RAPGEF1: variants seen among roughly 807,000 people sequenced by gnomAD.
The protein encoded by RAPGEF1 is CRK SH3-binding GNRP.
In RAPGEF1, 33 loss-of-function variants were observed where a neutral mutation model predicts 143.3. That is an observed-to-expected ratio of 0.23 (90% CI 0.17 to 0.31). RAPGEF1 has a LOEUF of 0.31. RAPGEF1 is among the 10% of genes least tolerant of loss of function. RAPGEF1 has a pLI of 1.00. For synonymous variants in RAPGEF1, 629 were observed against 676.5 expected (o/e 0.93, Z 1.09); for missense variants, 1,199 against 1,645.4 (o/e 0.73, Z 4.69).
chr9:131,580,481 T>C, intron 25 of RAPGEF1, 90 bp from the exon 26 acceptor site: 3 of 1,444,994 alleles, frequency 2.1e-6, no homozygotes, highest in Non-Finnish European at 2.8e-6. Flanking sequence ...GGACTCGCAG[T>C]GAGCAGCTTC....
intron 1 of RAPGEF1, among the ~76,000 whole-genome samples, chr9:131,724,033 A>T (rs1254161027): frequency 6.6e-6 from 1 of 152,196 alleles, no homozygotes; most frequent in Non-Finnish European, 1.5e-5. Flanking sequence ...AATATTTTAT[A>T]AAAAGTAGTG....
At chr9:131,734,329 C>G (rs576286762) in intron 1 of RAPGEF1, among the ~76,000 whole-genome samples, 5 of 152,268 alleles carry the variant, frequency 3.3e-5, no homozygotes, top group African/African-American at 9.6e-5. Context: ...CTGCCCTCAC[C>G]CCCTGGGCTG....
intron 1 of RAPGEF1, among the ~76,000 whole-genome samples, chr9:131,697,579 A>G (rs1205146309): frequency 6.6e-6 from 1 of 152,166 alleles, no homozygotes; most frequent in Non-Finnish European, 1.5e-5. Flanking sequence ...ACTGCAACAG[A>G]ACAGAACTGA....
intron 18 of RAPGEF1, 93 bp from the exon 19 acceptor site, chr9:131,590,071 A>C: frequency 1.8e-6 from 2 of 1,111,488 alleles, no homozygotes; most frequent in Non-Finnish European, 2.7e-6. Flanking sequence ...AGCGCTCACA[A>C]TGTGCCCATC....
At chr9:131,705,402 C>T (rs752205824) in intron 1 of RAPGEF1, among the ~76,000 whole-genome samples, 12 of 151,720 alleles carry the variant, frequency 7.9e-5, no homozygotes, top group Admixed American at 2.0e-4. Context: ...TTAAATAACA[C>T]AATAAGATGC....
intron 1 of RAPGEF1, among the ~76,000 whole-genome samples, chr9:131,682,634 G>A (rs865806718): frequency 6.6e-6 from 1 of 152,194 alleles, no homozygotes; most frequent in Non-Finnish European, 1.5e-5. Context: ...GCAGAGCCAG[G>A]AGAGTGCATA....
intron 12 of RAPGEF1, among the ~76,000 whole-genome samples, chr9:131,606,579 A>G (rs574158129): frequency 1.3e-5 from 2 of 152,284 alleles, no homozygotes; most frequent in South Asian, 4.2e-4. Flanking sequence ...ACCCATGGAA[A>G]AGAGGAAGAA....
At chr9:131,677,326 A>G (rs1475505668) in intron 1 of RAPGEF1, among the ~76,000 whole-genome samples, 1 of 152,248 alleles carries the variant, frequency 6.6e-6, no homozygotes, top group Non-Finnish European at 1.5e-5. Context: ...GCAAGTAGAG[A>G]TGCAATGTGC....
At position 131,600,940 on chromosome 9, in the gene RAPGEF1, G is replaced by A. The variant is rs192058149; in HGVS notation, c.2501+1121C>T. Among the ~76,000 whole-genome samples, 48 of 152,284 alleles carry A rather than the reference G, an allele frequency of 3.2e-4. No homozygotes were observed. In the East Asian group the frequency reaches 8.7e-3, roughly 28 times the overall value. On this transcript the variant is annotated intron_variant, in intron 15 of 26. Transcript: ENST00000683357. ...GGAGGCTGGGGCAGGTGGATCATGA[G>A]GTCGGGAGATTGAGACCATCCTGGC...
Position 131,675,040 on chromosome 9 carries a change from G to A in RAPGEF1, c.62-24091C>T, listed in dbSNP as rs1832075356. 6.6e-6 allele frequency among the ~76,000 whole-genome samples: 1 copy of A among 152,126 alleles called. No homozygotes were observed. The highest frequency in any genetic ancestry group is 1.5e-5 in the Non-Finnish European group (1 of 68,016). ...TTCTGGAGGAGCAGCTGGGAGGGAGGGAGCAGAGAGAAGGCGAGCGTCATA... is the reference window on the plus strand; with the variant it reads ...TTCTGGAGGAGCAGCTGGGAGGGAGAGAGCAGAGAGAAGGCGAGCGTCATA... On this transcript the variant is annotated intron_variant, in intron 1 of 26. Coordinates refer to ENST00000683357, the MANE Select transcript of RAPGEF1 (RefSeq NM_001377935.1). The surrounding 1 kb of genome is among the most constrained non-coding windows in gnomAD (Gnocchi z 4.6).
At chr9:131,706,986 CCTGT>C (rs1190035591) in intron 1 of RAPGEF1, among the ~76,000 whole-genome samples, 2 of 152,230 alleles carry the variant, frequency 1.3e-5, no homozygotes, top group Non-Finnish European at 1.5e-5. Context: ...AAACATCAAA[CCTGT>C]CTGTCTGTAT....
chr9:131,727,100 T>G (rs963654075), intron 1 of RAPGEF1, among the ~76,000 whole-genome samples: 4 of 152,154 alleles, frequency 2.6e-5, no homozygotes, highest in African/African-American at 9.7e-5. Context: ...AGGTTCCCCC[T>G]TTTATCCATG....
intron 3 of RAPGEF1, among the ~76,000 whole-genome samples, chr9:131,648,897 AGT>A (rs1459849865): frequency 6.6e-6 from 1 of 152,260 alleles, no homozygotes; most frequent in Admixed American, 6.5e-5. Context: ...ATAACAGGCT[AGT>A]GTTTACCAGC....
chr9:131,622,180 G>A (rs965330672), intron 10 of RAPGEF1, among the ~76,000 whole-genome samples, 182 bp from the exon 11 acceptor site: 13 of 152,144 alleles, frequency 8.5e-5, no homozygotes, highest in African/African-American at 1.2e-4. Flanking sequence ...ATGCGCTAAC[G>A]GAGGAGACAC....
Position 131,621,655 on chromosome 9 carries a change from G to A in RAPGEF1, c.1905+141C>T. ...GGAGGAAGTAAAAGCATCTGTGTGG[G>A]AGATGGTGCCTTCCACGCCCAAAAC... On this transcript the variant is annotated intron_variant, in intron 11 of 26. Coordinates refer to ENST00000683357, the MANE Select transcript of RAPGEF1 (RefSeq NM_001377935.1). This position sits in a 1 kb window ranked among gnomAD's most constrained non-coding sequence, Gnocchi z 4.5. The A allele has an allele frequency of 1.2e-6, 1 of 807,268 alleles. No individual in the cohort carries two copies. Among genetic ancestry groups the A allele is most frequent in the Admixed American group, 2.5e-5 (1 of 40,706 alleles). 50.0% of individuals were successfully genotyped at this position (807,268 alleles called of 1,614,324 possible).
chr9:131,632,133 C>CTT (rs751438145), intron 5 of RAPGEF1, among the ~76,000 whole-genome samples: 16 of 144,460 alleles, frequency 1.1e-4, no homozygotes, highest in African/African-American at 2.0e-4. Context: ...GAGACTCTCT[C>CTT]TTTTTTTTTT....
chr9:131,645,368 G>A (rs754658445), intron 3 of RAPGEF1, among the ~76,000 whole-genome samples: 2 of 152,204 alleles, frequency 1.3e-5, no homozygotes, highest in Non-Finnish European at 2.9e-5. Flanking sequence ...GTGTCATCAG[G>A]TCACACAGGG....
intron 1 of RAPGEF1, among the ~76,000 whole-genome samples, chr9:131,687,534 T>C (rs1833452669): frequency 6.6e-6 from 1 of 152,158 alleles, no homozygotes; most frequent in African/African-American, 2.4e-5. Context: ...AAAAGTCTGT[T>C]CTCAACTGAG....
intron 22 of RAPGEF1, among the ~76,000 whole-genome samples, chr9:131,586,421 T>C (rs1378711137): frequency 4.5e-4 from 11 of 24,288 alleles, no homozygotes; most frequent in Non-Finnish European, 8.0e-4. Flanking sequence ...CACACACACC[T>C]GCAGAGCGAG....
Sources: gnomAD v4.1 joint callset for allele counts (sites outside exome capture counted in the v4.1 genomes callset) on GRCh38, gnomAD v4.1.1 for gene constraint, Gnocchi (gnomAD v3.1) non-coding constraint, MANE v1.5 for transcripts, NCBI Gene and HGNC (gene_info 2026-07-23, HGNC 2026-07-21) for gene names.